Variants in BMP2K observed in about 807,000 individuals in gnomAD.
BMP2K encodes the protein BMP-2-inducible protein kinase.
Under a neutral mutation model 116.0 loss-of-function variants are expected in BMP2K, and 74 were observed. The observed-to-expected ratio is 0.64, with a 90% CI of 0.53 to 0.77. BMP2K has a LOEUF of 0.77. Among genes scored for constraint, BMP2K ranks in the 30% least tolerant of loss-of-function variants. BMP2K has a pLI of 0.00. For missense variants in BMP2K, 1,365 were observed against 1,403.6 expected, an observed-to-expected ratio of 0.97 and a Z score of 0.44; for synonymous variants, 486 against 502.5, an observed-to-expected ratio of 0.97 and a Z score of 0.44.
chr4:78,783,636 T>C (rs1308767852), intron 1 of BMP2K, among the ~76,000 whole-genome samples: 1 of 151,988 alleles, frequency 6.6e-6, no homozygotes, highest in Non-Finnish European at 1.5e-5. Context: ...TGAAACCCCA[T>C]CTCTACTAAA....
intron 3 of BMP2K, among the ~76,000 whole-genome samples, chr4:78,840,817 A>C (rs943269439): frequency 6.6e-6 from 1 of 152,318 alleles, no homozygotes; most frequent in Non-Finnish European, 1.5e-5. Flanking sequence ...AAGTTTGTTT[A>C]AAATTTATTC....
At position 78,776,419 on chromosome 4, in the gene BMP2K, C is replaced by A; in HGVS notation, c.-125C>A. 1 of 976,080 alleles carries A rather than the reference C, an allele frequency of 1.0e-6. No homozygotes were observed. The highest frequency in any genetic ancestry group is 1.3e-6 in the Non-Finnish European group (1 of 797,248). The allele number at this position is 976,080 out of a possible 1,614,324, so 60.5% of individuals were successfully genotyped here. A position where few individuals can be genotyped will look rare whatever the true frequency, so the allele number is the denominator to read the frequency against. On this transcript the variant is annotated 5_prime_UTR_variant, in exon 1 of 16. Coordinates refer to ENST00000502613, the MANE Select transcript of BMP2K (RefSeq NM_198892.2). ...CGCTTGGGGAGCGCGGAATGTGAGGCTTGGCGGGCCGCAGCACGCTCGGAC... is the reference window on the plus strand; with the variant it reads ...CGCTTGGGGAGCGCGGAATGTGAGGATTGGCGGGCCGCAGCACGCTCGGAC...
rs551558618 is a variant in BMP2K, at chr4:78,916,112, T to C, written c.*4079T>C. On this transcript the variant is annotated 3_prime_UTR_variant, in exon 16 of 16. Coordinates refer to ENST00000502613, the MANE Select transcript of BMP2K (RefSeq NM_198892.2). Reference sequence around the variant, plus strand: ...CTAAAGTAACTTCAGTCCTCAAATATAGCTGGGAAACAATTATGAGATAGA... The same window carrying C: ...CTAAAGTAACTTCAGTCCTCAAATACAGCTGGGAAACAATTATGAGATAGA... 6 of 152,038 alleles carry C rather than the reference T, an allele frequency of 3.9e-5. No homozygotes were observed. The East Asian group carries it at 5.8e-4, about 15-fold the overall frequency. The allele number at this position is 152,038 out of a possible 1,614,324, so 9.4% of individuals were successfully genotyped here.
At position 78,911,184 on chromosome 4, in the gene BMP2K, C is replaced by T. The variant is rs773847591; in HGVS notation, c.2637C>T (p.Asn879=). Residue 879 remains asparagine, a synonymous_variant, in exon 16 of 16, where the codon AAC becomes AAT. Coordinates refer to ENST00000502613, the MANE Select transcript of BMP2K (RefSeq NM_198892.2). ...QQPQQEKNEK[N]LPQHRFPAAG... ...CCCAGCAAGAAAAGAATGAAAAGAA[C>T]CTCCCTCAACACAGGTTTCCTGCTG... 35 of 1,613,600 alleles carry T rather than the reference C, an allele frequency of 2.2e-5. No homozygotes were observed. Among genetic ancestry groups the T allele is most frequent in the Non-Finnish European group, 2.7e-5 (32 of 1,179,808 alleles).
intron 14 of BMP2K, among the ~76,000 whole-genome samples, chr4:78,885,969 A>C (rs192313649): frequency 9.1e-4 from 138 of 152,268 alleles, no homozygotes; most frequent in African/African-American, 3.2e-3. Flanking sequence ...GCATTCTTAA[A>C]GTAATGTGTT....
At chr4:78,832,185 T>C (rs887559825) in intron 2 of BMP2K, among the ~76,000 whole-genome samples, 8 of 152,170 alleles carry the variant, frequency 5.3e-5, no homozygotes, top group African/African-American at 1.9e-4. Flanking sequence ...TTTGCTTGAG[T>C]ACCTGGTTTC....
intron 1 of BMP2K, among the ~76,000 whole-genome samples, chr4:78,820,124 T>G (rs1729543204): frequency 6.6e-6 from 1 of 152,230 alleles, no homozygotes; most frequent in South Asian, 2.1e-4. Context: ...TTTAAAAGTT[T>G]TTAGGCTAAT....
intron 2 of BMP2K, among the ~76,000 whole-genome samples, chr4:78,826,483 G>A (rs917964131): frequency 6.6e-6 from 1 of 152,182 alleles, no homozygotes; most frequent in African/African-American, 2.4e-5. Flanking sequence ...GATTACAGGT[G>A]TGAGCCACCG....
At chr4:78,872,865 G>A (rs1732440531) in intron 13 of BMP2K, 67 bp downstream of exon 13, 1 of 1,469,482 alleles carries the variant, frequency 6.8e-7, no homozygotes, top group Non-Finnish European at 9.4e-7. Context: ...TGAATGGTCG[G>A]TCATTAAGTT....
intron 14 of BMP2K, chr4:78,879,627 TTGTG>T (rs36091562): frequency 7.1e-4 from 116 of 163,824 alleles, no homozygotes; most frequent in East Asian, 3.3e-3. Flanking sequence ...TTCTGAGGCT[TTGTG>T]TGTGTGTGTG....
Sources: gnomAD v4.1 joint callset for allele counts (sites outside exome capture counted in the v4.1 genomes callset) on GRCh38, gnomAD v4.1.1 for gene constraint, MANE v1.5 for transcripts, NCBI Gene and HGNC (gene_info 2026-07-23, HGNC 2026-07-21) for gene names.